ZBTB1: variants seen among roughly 807,000 people sequenced by gnomAD.
ZBTB1 encodes the protein zinc finger and BTB domain containing 1, also known as zinc finger and BTB domain-containing protein 1.
Under a neutral mutation model 51.6 loss-of-function variants are expected in ZBTB1, and 13 were observed. That is an observed-to-expected ratio of 0.25 (90% confidence interval 0.16 to 0.40). The LOEUF (loss-of-function observed/expected upper bound fraction) is 0.40, where lower values mean the gene tolerates loss of function less well. ZBTB1 is among the 10% of genes least tolerant of loss of function. The pLI is 1.00. For synonymous variants in ZBTB1, 240 were observed against 282.2 expected, an observed-to-expected ratio of 0.85 and a Z score of 1.50; for missense variants, 567 against 856.5, an observed-to-expected ratio of 0.66 and a Z score of 4.22.
rs141683192 is a variant in ZBTB1, at chr14:64,508,735, T to A, written c.-19+3789T>A. 4.4e-3 allele frequency among the ~76,000 whole-genome samples: 657 copies of A among 148,978 alleles called. 6 individuals carry two copies. The highest frequency in any genetic ancestry group is 0.017 in the Middle Eastern group (5 of 294). On this transcript the variant is annotated intron_variant, in intron 1 of 1. Coordinates refer to ENST00000683701, the MANE Select transcript of ZBTB1 (RefSeq NM_001123329.2). ...ATGTATGGGAAAATGCTTTAAATTT[T>A]AATTTTAATTTTAATTTCCAACCAC... is the stretch of plus-strand genomic sequence containing the variant.
chr14:64,513,214 TCA>T (rs935691104), intron 1 of ZBTB1, among the ~76,000 whole-genome samples: 5 of 151,906 alleles, frequency 3.3e-5, no homozygotes, highest in African/African-American at 1.2e-4. Context: ...TGTGCATATC[TCA>T]CACATATATA....
At position 64,524,265 on chromosome 14, in the gene ZBTB1, T is replaced by C; in HGVS notation, c.*619T>C. 8 of 955,686 alleles carry C rather than the reference T, an allele frequency of 8.4e-6. No individual in the cohort carries two copies. Among genetic ancestry groups the C allele is most frequent in the Non-Finnish European group, 1.0e-5 (8 of 803,062 alleles). The allele number at this position is 955,686 out of a possible 1,614,324, so 59.2% of individuals were successfully genotyped here. A position where few individuals can be genotyped will look rare whatever the true frequency, so the allele number is the denominator to read the frequency against. On this transcript the variant is annotated 3_prime_UTR_variant, in exon 2 of 2. Transcript: ENST00000683701. ...TGAGGAAATTTTTATAAATGAATAT[T>C]TCCTATAATTGATAAAATATTATCA...
downstream of ZBTB1, among the ~76,000 whole-genome samples, chr14:64,525,820 A>G (rs768149570): frequency 2.6e-5 from 4 of 151,684 alleles, no homozygotes; most frequent in Non-Finnish European, 5.9e-5. Flanking sequence ...TTTTTATTTT[A>G]TTTATTTATT....
chr14:64,533,341 A>G (rs2079957438), exon 3 of ZBTB1: 1 of 152,524 alleles, frequency 6.6e-6, no homozygotes, highest in African/African-American at 2.4e-5. Flanking sequence ...GAACATAAGG[A>G]GGTATACAGA....
At chr14:64,515,772 G>A (rs1017440635) in intron 1 of ZBTB1, among the ~76,000 whole-genome samples, 15 of 152,098 alleles carry the variant, frequency 9.9e-5, no homozygotes, top group Admixed American at 1.3e-4. Context: ...ACCCGCCTCC[G>A]CCTCCCAAAG....
intron 1 of ZBTB1, among the ~76,000 whole-genome samples, chr14:64,515,856 A>G (rs1018906764): frequency 3.3e-5 from 5 of 152,202 alleles, no homozygotes; most frequent in Admixed American, 2.6e-4. Context: ...TTCAAGAGAT[A>G]AGCTAAAAGT....
At chr14:64,511,476 T>G (rs543950877) in intron 1 of ZBTB1, 1 of 152,330 alleles carries the variant, frequency 6.6e-6, no homozygotes, top group South Asian at 2.1e-4. Flanking sequence ...AGCTATCCAG[T>G]GCCTTGGCCT....
At chr14:64,510,667 A>G (rs1174987656) in intron 1 of ZBTB1, among the ~76,000 whole-genome samples, 16 of 152,198 alleles carry the variant, frequency 1.1e-4, no homozygotes, top group Non-Finnish European at 5.9e-5. Flanking sequence ...TGAAGTTTGA[A>G]GCAGGCAGTA....
upstream of ZBTB1, chr14:64,503,717 AG>A: frequency 1.6e-6 from 1 of 614,142 alleles, no homozygotes; most frequent in Non-Finnish European, 2.0e-6. Flanking sequence ...CGGGCTCCCA[AG>A]CCGCGCACTG....
intron 1 of ZBTB1, among the ~76,000 whole-genome samples, chr14:64,517,782 T>TATATTTTG (rs1491377695): frequency 2.9e-5 from 1 of 34,806 alleles, no homozygotes; most frequent in Non-Finnish European, 5.6e-5. Context: ...TATATATATA[T>TATATTTTG]TTTTTTTTTT....
downstream of ZBTB1, among the ~76,000 whole-genome samples, chr14:64,525,886 T>A (rs1417562474): frequency 1.3e-5 from 2 of 152,212 alleles, no homozygotes; most frequent in Non-Finnish European, 2.9e-5. Context: ...AGTGGTACAA[T>A]CTTGGCTCAC....
At chr14:64,515,393 T>C (rs1388636515) in intron 1 of ZBTB1, among the ~76,000 whole-genome samples, 1 of 152,188 alleles carries the variant, frequency 6.6e-6, no homozygotes, top group Non-Finnish European at 1.5e-5. Flanking sequence ...TTATAGGCTT[T>C]ACTAGAACAT....
In ZBTB1 at chr14:64,508,029, A is replaced by G. The variant is rs564701725; in HGVS notation, c.-19+3083A>G. On this transcript the variant is annotated intron_variant, in intron 1 of 1. Coordinates refer to ENST00000683701, the MANE Select transcript of ZBTB1 (RefSeq NM_001123329.2). ...CCGCTGTTTTCAGATGTGGCATGGA[A>G]GAGACTGATACTGGGGAGGAAGCGG... 2.5e-4 allele frequency among the ~76,000 whole-genome samples: 38 copies of G among 152,318 alleles called. No individual in the cohort carries two copies. In the South Asian group the frequency reaches 7.7e-3, roughly 31 times the overall value.
In ZBTB1 at chr14:64,523,957, G is replaced by A. The variant is rs2079883291; in HGVS notation, c.*311G>A. On this transcript the variant is annotated 3_prime_UTR_variant, in exon 2 of 2. Transcript: ENST00000683701. The surrounding 1 kb of genome is among the most constrained non-coding windows in gnomAD (Gnocchi z 4.5). The stretch of plus-strand genomic sequence containing the variant: ...TTAAACTTTAGTTTTTCATCAATAA[G>A]GTGATGACTTCACTATTTCTATGTG... 3 of 1,037,498 alleles carry A rather than the reference G, an allele frequency of 2.9e-6. No individual in the cohort carries two copies. The highest frequency in any genetic ancestry group is 3.5e-6 in the Non-Finnish European group (3 of 855,766). 64.3% of individuals were successfully genotyped at this position (1,037,498 alleles called of 1,614,324 possible). A position where few individuals can be genotyped will look rare whatever the true frequency, so the allele number is the denominator to read the frequency against.
chr14:64,513,611 A>G (rs1304091536), intron 1 of ZBTB1, among the ~76,000 whole-genome samples: 1 of 152,176 alleles, frequency 6.6e-6, no homozygotes, highest in East Asian at 1.9e-4. Flanking sequence ...GGTATAATTA[A>G]CGCTTTTCTT....
At chr14:64,516,512 TA>T (rs1256803414) in intron 1 of ZBTB1, 1 of 152,234 alleles carries the variant, frequency 6.6e-6, no homozygotes, top group Non-Finnish European at 1.5e-5. Context: ...TCCAGCTCTA[TA>T]GGGGGAATAT....
chr14:64,523,595 G>A lies in ZBTB1; in HGVS notation c.2091G>A (p.Leu697=), dbSNP rs760989848. ...TCGICGAKFN[L]RKDMRSHYNA... is the part of the protein sequence containing the mutation. ...GAATATGTGGAGCAAAATTTAATTT[G>A]AGGAAAGATATGAGATCACATTATA... The change falls in exon 2 of 2, where the codon TTG becomes TTA. Residue 697 remains leucine, a synonymous_variant. Coordinates refer to ENST00000683701, the MANE Select transcript of ZBTB1 (RefSeq NM_001123329.2). The surrounding 1 kb of genome is among the most constrained non-coding windows in gnomAD (Gnocchi z 4.5). The A allele has an allele frequency of 3.9e-5, 60 of 1,552,412 alleles. No individual in the cohort carries two copies. In the African/African-American group the frequency reaches 7.0e-4, roughly 18 times the overall value.
chr14:64,505,054 C>G, intron 1 of ZBTB1, 108 bp downstream of exon 1: 1 of 372,566 alleles, frequency 2.7e-6, no homozygotes, highest in East Asian at 3.9e-5. Context: ...CCGATCCGTG[C>G]GGGGAGCCGG....
chr14:64,517,781 A>ATATATATATTTTTT (rs1160337478), intron 1 of ZBTB1, among the ~76,000 whole-genome samples: 8 of 41,560 alleles, frequency 1.9e-4, no homozygotes, highest in Non-Finnish European at 3.7e-4. Flanking sequence ...ATATATATAT[A>ATATATATATTTTTT]TTTTTTTTTT....
Sources: allele counts gnomAD v4.1 joint callset (sites outside exome capture counted in the v4.1 genomes callset), GRCh38; gene constraint gnomAD v4.1.1; non-coding constraint Gnocchi (gnomAD v3.1); transcripts MANE v1.5; gene names NCBI Gene and HGNC (gene_info 2026-07-23, HGNC 2026-07-21).